TNFRSF11A: variants seen among roughly 807,000 people sequenced by gnomAD.
TNFRSF11A encodes the protein tumor necrosis factor receptor superfamily member 11A.
TNFRSF11A carries 32 observed loss-of-function variants against 55.7 expected under a neutral mutation model. The ratio of observed to expected loss-of-function variants is 0.57; its 90% CI spans 0.43 to 0.77. The LOEUF is 0.77. TNFRSF11A is among the 30% of genes least tolerant of loss of function. TNFRSF11A has a pLI of 0.00. For synonymous variants in TNFRSF11A, 311 were observed against 331.0 expected, an observed-to-expected ratio of 0.94 and a Z score of 0.65; for missense variants, 753 against 809.8, an observed-to-expected ratio of 0.93 and a Z score of 0.85.
chr18:62,342,348 G>A (rs946144628), intron 1 of TNFRSF11A, among the ~76,000 whole-genome samples: 10 of 131,018 alleles, frequency 7.6e-5, no homozygotes, highest in African/African-American at 2.8e-4. Context: ...GCTGCAGTGA[G>A]CTATGATCAT....
In TNFRSF11A at chr18:62,325,520, G is replaced by A; in HGVS notation, c.75+93G>A. On this transcript the variant is annotated intron_variant, in intron 1 of 9. Coordinates refer to ENST00000586569, the MANE Select transcript of TNFRSF11A (RefSeq NM_003839.4). The surrounding 1 kb of genome is among the most constrained non-coding windows in gnomAD (Gnocchi z 4.7). Reference sequence around the variant, plus strand: ...GGGCCGGCGGCATCCTGGCTCCTCCGCCTTCCGAGAGGAGCCGGAGTTTTG... The same window carrying A: ...GGGCCGGCGGCATCCTGGCTCCTCCACCTTCCGAGAGGAGCCGGAGTTTTG... 1 of 835,256 alleles carries A rather than the reference G, an allele frequency of 1.2e-6. No homozygotes were observed. 51.7% of individuals were successfully genotyped at this position (835,256 alleles called of 1,614,324 possible). A position where few individuals can be genotyped will look rare whatever the true frequency, so the allele number is the denominator to read the frequency against.
chr18:62,376,853 T>G (rs1034703934), intron 9 of TNFRSF11A, among the ~76,000 whole-genome samples: 1 of 152,224 alleles, frequency 6.6e-6, no homozygotes, highest in African/African-American at 2.4e-5. Context: ...TCAGATTGGC[T>G]TTGTTTACTT....
chr18:62,341,220 C>T (rs764915102), intron 1 of TNFRSF11A, among the ~76,000 whole-genome samples: 3 of 152,222 alleles, frequency 2.0e-5, no homozygotes, highest in Non-Finnish European at 4.4e-5. Flanking sequence ...CAGAAAAGCA[C>T]TGAAATGACT....
intron 1 of TNFRSF11A, among the ~76,000 whole-genome samples, chr18:62,335,326 G>A (rs1300845589): frequency 2.0e-5 from 3 of 151,948 alleles, no homozygotes; most frequent in South Asian, 2.1e-4. Context: ...GGCCAGTTTC[G>A]AACTCCTCAC....
chr18:62,340,164 C>T (rs548679151), intron 1 of TNFRSF11A, among the ~76,000 whole-genome samples: 7 of 151,926 alleles, frequency 4.6e-5, no homozygotes, highest in African/African-American at 1.7e-4. Context: ...TGCACTCTAG[C>T]CTAGGTGACA....
intron 1 of TNFRSF11A, among the ~76,000 whole-genome samples, chr18:62,346,857 C>T (rs553267617): frequency 1.3e-5 from 2 of 152,268 alleles, no homozygotes; most frequent in African/African-American, 4.8e-5. Flanking sequence ...CAGATGAAGC[C>T]CTCCCCTGAC....
chr18:62,375,772 G>A (rs547885975), intron 9 of TNFRSF11A, among the ~76,000 whole-genome samples: 1 of 152,222 alleles, frequency 6.6e-6, no homozygotes, highest in East Asian at 1.9e-4. Flanking sequence ...AAGCCAAGGT[G>A]GGAGGATCTC....
In TNFRSF11A at chr18:62,338,950, T is replaced by C. The variant is rs1323394279; in HGVS notation, c.76-9218T>C. On this transcript the variant is annotated intron_variant, in intron 1 of 9. Transcript: ENST00000586569. The stretch of plus-strand genomic sequence containing the variant: ...CGCCTCCCGAAATGAGCTGCATTCC[T>C]GGCCTCCTGCAGATTTTGCCATCCA... Among the ~76,000 whole-genome samples, 6 of 152,314 alleles carry C rather than the reference T, an allele frequency of 3.9e-5. No homozygotes were observed. In the East Asian group the frequency reaches 9.6e-4, roughly 24 times the overall value.
chr18:62,333,489 C>T (rs1325072438), intron 1 of TNFRSF11A, among the ~76,000 whole-genome samples: 14 of 152,226 alleles, frequency 9.2e-5, no homozygotes, highest in Admixed American at 8.5e-4. Flanking sequence ...CAAGTACCGG[C>T]CATCTGTTGA....
At chr18:62,357,953 G>A (rs1909384591) in intron 4 of TNFRSF11A, 1 of 406,300 alleles carries the variant, frequency 2.5e-6, no homozygotes, top group Admixed American at 3.6e-5. Context: ...GTCATGACCA[G>A]AGCTAGCCTG....
At chr18:62,337,313 T>TTA (rs2046249285) in intron 1 of TNFRSF11A, among the ~76,000 whole-genome samples, 2 of 152,154 alleles carry the variant, frequency 1.3e-5, no homozygotes, top group Admixed American at 1.3e-4. Flanking sequence ...GTGGCAAAGG[T>TTA]GGTAATTCCT....
chr18:62,366,906 G>A, intron 8 of TNFRSF11A, 146 bp downstream of exon 8: 2 of 842,264 alleles, frequency 2.4e-6, no homozygotes, highest in Non-Finnish European at 4.0e-6. Flanking sequence ...TGGAGTGCAG[G>A]GGTGCAATCT....
intron 9 of TNFRSF11A, among the ~76,000 whole-genome samples, chr18:62,373,383 A>C (rs1482342102): frequency 6.6e-6 from 1 of 152,034 alleles, no homozygotes; most frequent in Non-Finnish European, 1.5e-5. Flanking sequence ...TGCTTGAGTC[A>C]GGGAGGTGGA....
chr18:62,327,289 C>T (rs576508129), intron 1 of TNFRSF11A, among the ~76,000 whole-genome samples: 10 of 152,282 alleles, frequency 6.6e-5, no homozygotes, highest in Admixed American at 1.3e-4. Flanking sequence ...GAGGATCTTT[C>T]TTTGGGCAGA....
intron 1 of TNFRSF11A, among the ~76,000 whole-genome samples, chr18:62,344,496 A>C (rs2046354938): frequency 6.6e-6 from 1 of 152,228 alleles, no homozygotes; most frequent in Admixed American, 6.5e-5. Flanking sequence ...AAATTTCCCC[A>C]TTCCCTGGGA....
chr18:62,381,665 T>C (rs1911297268), intron 9 of TNFRSF11A, among the ~76,000 whole-genome samples: 1 of 152,242 alleles, frequency 6.6e-6, no homozygotes, highest in Admixed American at 6.5e-5. Context: ...TAGACTTATC[T>C]GTTTGTGTCA....
At chr18:62,340,912 T>C (rs1178949929) in intron 1 of TNFRSF11A, among the ~76,000 whole-genome samples, 1 of 152,252 alleles carries the variant, frequency 6.6e-6, no homozygotes, top group Non-Finnish European at 1.5e-5. Context: ...CGGTCTCTTA[T>C]AACACACCAT....
intron 1 of TNFRSF11A, among the ~76,000 whole-genome samples, chr18:62,346,406 AG>A (rs2046385063): frequency 6.6e-6 from 1 of 152,194 alleles, no homozygotes; most frequent in Non-Finnish European, 1.5e-5. Flanking sequence ...AACAGAGAAA[AG>A]CATCTCAGAA....
chr18:62,354,438 C>G lies in TNFRSF11A; in HGVS notation c.331C>G (p.Arg111Gly), dbSNP rs1231958042. The G allele has an allele frequency of 3.1e-6, 5 of 1,598,190 alleles. No homozygotes were observed. The highest frequency in any genetic ancestry group is 3.4e-6 in the Non-Finnish European group (4 of 1,178,058). The change falls in exon 4 of 10, where the codon CGC becomes GGC. Residue 111 changes from arginine (R) to glycine (G), a missense_variant. This residue lies in a region of TNFRSF11A where 156 missense variants were observed against 155.1 expected (regional missense o/e 1.01). Transcript: ENST00000586569. ...CGCCGGCAACAGCACGACCCCCCGGCGCTGCGCGTGCACGGCTGGGTACCA... is the reference window on the plus strand; with the variant it reads ...CGCCGGCAACAGCACGACCCCCCGGGGCTGCGCGTGCACGGCTGGGTACCA... ...VVAGNSTTPR[R>G]CACTAGYHWS...
Sources: allele counts gnomAD v4.1 joint callset (sites outside exome capture counted in the v4.1 genomes callset), GRCh38; gene constraint gnomAD v4.1.1; regional missense constraint gnomAD v4.1.1; non-coding constraint Gnocchi (gnomAD v3.1); transcripts MANE v1.5; gene names NCBI Gene and HGNC (gene_info 2026-07-23, HGNC 2026-07-21).